The following CELF2 variants were observed in gnomAD, a reference collection of about 807,000 sequenced individuals.
CELF2 encodes CUG triplet repeat RNA-binding protein 2.
A neutral mutation model predicts 62.6 loss-of-function variants in CELF2; 8 were observed. The observed-to-expected ratio is 0.13, with a 90% CI of 0.07 to 0.23. The LOEUF (loss-of-function observed/expected upper bound fraction) is 0.23, where lower values mean the gene tolerates loss of function less well. CELF2 is among the 10% of genes least tolerant of loss of function. The pLI is 1.00. For synonymous variants in CELF2, 258 were observed against 250.0 expected, an observed-to-expected ratio of 1.03 and a Z score of -0.30; for missense variants, 333 against 671.0, an observed-to-expected ratio of 0.50 and a Z score of 5.56.
At chr10:10,537,407 G>T in the CELF2 span, among the ~76,000 whole-genome samples, 3 of 152,172 alleles carry the variant, frequency 2.0e-5, no homozygotes, top group Non-Finnish European at 4.4e-5. Context: ...GGGGATGGGG[G>T]AGTATCCTCA....
chr10:10,791,376 AT>A, the CELF2 span, among the ~76,000 whole-genome samples: 2 of 152,038 alleles, frequency 1.3e-5, no homozygotes, highest in Non-Finnish European at 2.9e-5. Context: ...ACAGCTACCA[AT>A]TTCCAACTTT....
At chr10:10,551,913 T>G in the CELF2 span, among the ~76,000 whole-genome samples, 1 of 152,136 alleles carries the variant, frequency 6.6e-6, no homozygotes, top group East Asian at 1.9e-4. Flanking sequence ...GAGGGCCGCA[T>G]GCTGCTTCAC....
chr10:10,738,697 G>C, the CELF2 span, among the ~76,000 whole-genome samples: 1 of 152,122 alleles, frequency 6.6e-6, no homozygotes, highest in Admixed American at 6.6e-5. Flanking sequence ...CAAAATACCT[G>C]ACTAGTTCTT....
At position 11,295,104 on chromosome 10, in the gene CELF2, A is replaced by C. The variant is rs551967829; in HGVS notation, c.976+6552A>C. 4.6e-5 allele frequency among the ~76,000 whole-genome samples: 7 copies of C among 152,328 alleles called. No homozygotes were observed. The South Asian group carries it at 1.4e-3, about 32-fold the overall frequency. ...GAAAATTGTCTTCTTTGCTCGTGACATTATGGGGCTCACTTTATTTTCATT... is the reference window on the plus strand; with the variant it reads ...GAAAATTGTCTTCTTTGCTCGTGACCTTATGGGGCTCACTTTATTTTCATT... On this transcript the variant is annotated intron_variant, in intron 9 of 12. Transcript: ENST00000633077.
At chr10:10,473,553 T>C in the CELF2 span, among the ~76,000 whole-genome samples, 2 of 152,168 alleles carry the variant, frequency 1.3e-5, no homozygotes, top group Admixed American at 6.6e-5. Flanking sequence ...GCCTTTTAAA[T>C]AGTCTGGGAT....
At chr10:11,137,780 T>G (rs2060668355) in intron 1 of CELF2, among the ~76,000 whole-genome samples, 1 of 152,250 alleles carries the variant, frequency 6.6e-6, no homozygotes, top group South Asian at 2.1e-4. Context: ...CATTTCTGTG[T>G]GGATCTCAGC....
chr10:11,245,444 T>C (rs1259606827), intron 3 of CELF2, among the ~76,000 whole-genome samples: 1 of 152,252 alleles, frequency 6.6e-6, no homozygotes, highest in East Asian at 1.9e-4. Context: ...ATACATTATC[T>C]AGCTTGTCTT....
At chr10:11,245,446 G>A (rs1260452561) in intron 3 of CELF2, among the ~76,000 whole-genome samples, 1 of 152,174 alleles carries the variant, frequency 6.6e-6, no homozygotes, top group Non-Finnish European at 1.5e-5. Context: ...ACATTATCTA[G>A]CTTGTCTTCA....
chr10:10,858,346 T>C (rs949510611), intron 1 of CELF2, among the ~76,000 whole-genome samples: 1 of 152,126 alleles, frequency 6.6e-6, no homozygotes, highest in African/African-American at 2.4e-5. Flanking sequence ...AATACCCCAA[T>C]GTCTAGCTAC....
In CELF2 at chr10:10,947,302, T is replaced by A. The variant is rs2047804485; in HGVS notation, c.89+27303T>A. 1 of 152,642 alleles carries A rather than the reference T, an allele frequency of 6.6e-6. No individual in the cohort carries two copies. The highest frequency in any genetic ancestry group is 2.4e-5 in the African/African-American group (1 of 41,460). The allele number at this position is 152,642 out of a possible 1,614,324, so 9.5% of individuals were successfully genotyped here. On this transcript the variant is annotated intron_variant, in intron 2 of 13. Coordinates refer to the CELF2 transcript ENST00000636488. This position sits in a 1 kb window ranked among gnomAD's most constrained non-coding sequence, Gnocchi z 4.1. ...TTCTCTGGCCATCCTGAGCACATTT[T>A]TTCCTGGAGATTTAGAGCTGATTGG...
At chr10:10,573,055 T>C in the CELF2 span, among the ~76,000 whole-genome samples, 2 of 152,300 alleles carry the variant, frequency 1.3e-5, no homozygotes, top group Admixed American at 1.3e-4. Context: ...ATTGCCATTC[T>C]GACTGGTGTA....
chr10:10,619,512 C>A, the CELF2 span, among the ~76,000 whole-genome samples: 1 of 152,194 alleles, frequency 6.6e-6, no homozygotes, highest in African/African-American at 2.4e-5. Flanking sequence ...TTGGCGAACA[C>A]ACCATTGTTT....
chr10:10,479,544 T>C, the CELF2 span, among the ~76,000 whole-genome samples: 2 of 152,140 alleles, frequency 1.3e-5, no homozygotes, highest in African/African-American at 4.8e-5. Flanking sequence ...GAGATAAGTA[T>C]CATGATGGTT....
the CELF2 span, among the ~76,000 whole-genome samples, chr10:10,606,461 T>A: frequency 6.6e-6 from 1 of 152,022 alleles, no homozygotes; most frequent in South Asian, 2.1e-4. Context: ...AGTCGAGGAC[T>A]AGCTTTAAAT....
intron 1 of CELF2, among the ~76,000 whole-genome samples, chr10:11,120,845 C>T (rs1445200208): frequency 1.3e-5 from 2 of 152,170 alleles, no homozygotes; most frequent in Non-Finnish European, 2.9e-5. Context: ...CTACAGTTAG[C>T]GCTGAGGCTC....
At chr10:10,691,666 CTGT>C in the CELF2 span, among the ~76,000 whole-genome samples, 1 of 149,016 alleles carries the variant, frequency 6.7e-6, no homozygotes, top group Non-Finnish European at 1.5e-5. Flanking sequence ...TCTCCAGCAC[CTGT>C]TGTTTCCTGA....
chr10:10,875,873 G>A (rs377397994), intron 1 of CELF2, among the ~76,000 whole-genome samples: 19 of 152,258 alleles, frequency 1.2e-4, no homozygotes, highest in African/African-American at 4.3e-4. Context: ...ATAAAATGCT[G>A]CCTTTTCGCT....
chr10:11,132,728 A>G (rs1256475548), intron 1 of CELF2, among the ~76,000 whole-genome samples: 4 of 152,212 alleles, frequency 2.6e-5, no homozygotes, highest in Admixed American at 2.6e-4. Flanking sequence ...CCTAGGAGAA[A>G]AAGTGACACA....
chr10:10,589,788 C>T, the CELF2 span, among the ~76,000 whole-genome samples: 3 of 152,212 alleles, frequency 2.0e-5, no homozygotes, highest in African/African-American at 4.8e-5. Flanking sequence ...GTCATTCAGA[C>T]AGTGAGTCGC....
Sources: allele counts gnomAD v4.1 joint callset (sites outside exome capture counted in the v4.1 genomes callset), GRCh38; gene constraint gnomAD v4.1.1; non-coding constraint Gnocchi (gnomAD v3.1); transcripts MANE v1.5; gene names NCBI Gene and HGNC (gene_info 2026-07-23, HGNC 2026-07-21).